Variants in PCDHGA1 observed in about 807,000 individuals in gnomAD.
PCDHGA1 encodes the protein protocadherin gamma subfamily A, 1.
PCDHGA1 carries 32 observed loss-of-function variants against 58.0 expected under a neutral mutation model. That is an observed-to-expected ratio of 0.55 (90% CI 0.42 to 0.74). PCDHGA1 has a LOEUF of 0.74. Ranked by LOEUF, PCDHGA1 falls within the 30% of genes least tolerant of loss-of-function variation. The pLI, the probability that PCDHGA1 is intolerant of heterozygous loss-of-function variation, is 0.00. For missense variants in PCDHGA1, 1,205 were observed against 1,182.3 expected (o/e 1.02, Z -0.28); for synonymous variants, 498 against 501.1 (o/e 0.99, Z 0.08).
At position 141,394,887 on chromosome 5, in the gene PCDHGA1, T is replaced by C. The variant is rs781200096; in HGVS notation, c.2421+61782T>C. 63 of 1,613,752 alleles carry C rather than the reference T, an allele frequency of 3.9e-5. 1 individual carries two copies. In the Admixed American group the frequency reaches 1.0e-3, roughly 26 times the overall value. ...CCCGAACGATTCGAGCCTTACACTC[T>C]ATCTCGTGGTGGCAGTGGCTGCCAT... is the stretch of plus-strand genomic sequence containing the variant. On this transcript the variant is annotated intron_variant, in intron 1 of 3. Coordinates refer to ENST00000517417, the MANE Select transcript of PCDHGA1 (RefSeq NM_018912.3).
intron 1 of PCDHGA1, chr5:141,422,849 C>A: frequency 1.2e-6 from 2 of 1,614,238 alleles, no homozygotes; most frequent in Non-Finnish European, 8.5e-7. Context: ...AGCGGGGACC[C>A]GCCCCTCAGC....
intron 1 of PCDHGA1, among the ~76,000 whole-genome samples, chr5:141,407,776 A>G (rs1248399145): frequency 2.0e-5 from 3 of 152,234 alleles, no homozygotes; most frequent in Non-Finnish European, 4.4e-5. Context: ...TGTGCATAAT[A>G]GATTTATTTA....
At chr5:141,449,016 C>T (rs2098623330) in intron 1 of PCDHGA1, among the ~76,000 whole-genome samples, 1 of 152,008 alleles carries the variant, frequency 6.6e-6, no homozygotes, top group African/African-American at 2.4e-5. Context: ...TTAACAGTTG[C>T]TTAGCATTCC....
At chr5:141,418,000 G>A (rs758811293) in intron 1 of PCDHGA1, 6 of 1,613,902 alleles carry the variant, frequency 3.7e-6, no homozygotes, top group Admixed American at 1.7e-5. Context: ...GCTCGGTGGT[G>A]GGGAACCTCG....
At chr5:141,408,271 T>A in intron 1 of PCDHGA1, 23 of 1,610,976 alleles carry the variant, frequency 1.4e-5, no homozygotes, top group Non-Finnish European at 1.9e-5. Context: ...TGCTGCTGCC[T>A]TTGTTCTACC....
intron 1 of PCDHGA1, chr5:141,408,313 T>G (rs375849626): frequency 6.2e-7 from 1 of 1,613,758 alleles, no homozygotes; most frequent in African/African-American, 1.3e-5. Flanking sequence ...GCTACTCGAT[T>G]CCGGAGGAGC....
In PCDHGA1 at chr5:141,489,515, G is replaced by A. The variant is rs983415025; in HGVS notation, c.2422-5292G>A. On this transcript the variant is annotated intron_variant, in intron 1 of 3. Coordinates refer to ENST00000517417, the MANE Select transcript of PCDHGA1 (RefSeq NM_018912.3). The surrounding 1 kb of genome is among the most constrained non-coding windows in gnomAD (Gnocchi z 4.5). ...CTGGCAGTGAATCAAAAGATTGACC[G>A]AGAAAGCCTATGTGGAGCCAGCACC... 2 of 1,614,104 alleles carry A rather than the reference G, an allele frequency of 1.2e-6. No homozygotes were observed. Among genetic ancestry groups the A allele is most frequent in the Non-Finnish European group, 8.5e-7 (1 of 1,180,034 alleles).
At chr5:141,398,199 G>A in intron 1 of PCDHGA1, 1 of 1,491,242 alleles carries the variant, frequency 6.7e-7, no homozygotes, top group South Asian at 1.3e-5. Flanking sequence ...TGCTGTCTTT[G>A]TTCTGCCCGG....
intron 1 of PCDHGA1, chr5:141,393,214 A>AT (rs1561641117): frequency 1.2e-6 from 2 of 1,613,518 alleles, no homozygotes; most frequent in East Asian, 2.2e-5. Flanking sequence ...CCAAAATTCC[A>AT]GGTCGAAGAT....
At chr5:141,393,458 G>C in intron 1 of PCDHGA1, 1 of 1,614,020 alleles carries the variant, frequency 6.2e-7, no homozygotes, top group Non-Finnish European at 8.5e-7. Flanking sequence ...TCACGGCCTC[G>C]GATGGCGGCA....
chr5:141,372,577 A>C (rs550513861), intron 1 of PCDHGA1: 1 of 1,614,006 alleles, frequency 6.2e-7, no homozygotes, highest in African/African-American at 1.3e-5. Context: ...GGCTACTTTC[A>C]GCCTGGTGTC....
intron 3 of PCDHGA1, 149 bp downstream of exon 3, chr5:141,505,630 A>G (rs558394591): frequency 4.7e-5 from 69 of 1,480,262 alleles, no homozygotes; most frequent in Admixed American, 2.2e-5. Flanking sequence ...AATTCCAAAC[A>G]TAAAGCCTGG....
At chr5:141,356,116 G>A in intron 1 of PCDHGA1, 1 of 1,613,804 alleles carries the variant, frequency 6.2e-7, no homozygotes, top group South Asian at 1.1e-5. Context: ...AATATTGGGG[G>A]GTCTAGATTA....
At chr5:141,341,385 C>T (rs1183510681) in intron 1 of PCDHGA1, 2 of 1,614,062 alleles carry the variant, frequency 1.2e-6, no homozygotes, top group African/African-American at 1.3e-5. Flanking sequence ...AGAGAAGAAA[C>T]GTTTTCTCAG....
At chr5:141,433,349 T>C in intron 1 of PCDHGA1, 1 of 616,610 alleles carries the variant, frequency 1.6e-6, no homozygotes, top group East Asian at 2.8e-5. Flanking sequence ...GCAAGCCACC[T>C]ACTGTCTGCC....
intron 1 of PCDHGA1, chr5:141,420,166 A>G: frequency 1.2e-6 from 2 of 1,614,036 alleles, no homozygotes; most frequent in Non-Finnish European, 1.7e-6. Flanking sequence ...ATTTTTTCAC[A>G]TCTGTTGATC....
At chr5:141,382,762 C>T in intron 1 of PCDHGA1, 1 of 690,986 alleles carries the variant, frequency 1.4e-6, no homozygotes, top group Non-Finnish European at 2.4e-6. Context: ...AAGCCCTCTT[C>T]CAGGCTGCAC....
In PCDHGA1 at chr5:141,410,139, T is replaced by C. The variant is rs73279096; in HGVS notation, c.2421+77034T>C. ...GCCCGCCAGCGCCTGCTGGTCGCTG[T>C]GCGTGACGGTGGACAGCCGCCACTC... On this transcript the variant is annotated intron_variant, in intron 1 of 3. Coordinates refer to ENST00000517417, the MANE Select transcript of PCDHGA1 (RefSeq NM_018912.3). The C allele has an allele frequency of 1.6e-4, 252 of 1,612,722 alleles. No individual in the cohort carries two copies. In the African/African-American group the frequency reaches 3.0e-3, roughly 19 times the overall value.
chr5:141,375,735 T>G, intron 1 of PCDHGA1: 1 of 1,614,254 alleles, frequency 6.2e-7, no homozygotes. Flanking sequence ...CTGAGCCTGT[T>G]TGTGCTGGAC....
Sources: gnomAD v4.1 joint callset for allele counts (sites outside exome capture counted in the v4.1 genomes callset) on GRCh38, gnomAD v4.1.1 for gene constraint, Gnocchi (gnomAD v3.1) non-coding constraint, MANE v1.5 for transcripts, NCBI Gene and HGNC (gene_info 2026-07-23, HGNC 2026-07-21) for gene names.